ST8SIA6: variants seen among roughly 807,000 people sequenced by gnomAD.
ST8SIA6 encodes ST8 alpha-N-acetyl-neuraminide alpha-2,8-sialyltransferase 6.
ST8SIA6 carries 39 observed loss-of-function variants against 33.6 expected under a neutral mutation model. The ratio of observed to expected loss-of-function variants is 1.16; its 90% confidence interval spans 0.90 to 1.52. The LOEUF (loss-of-function observed/expected upper bound fraction) is 1.52, where lower values mean the gene tolerates loss of function less well. ST8SIA6 is among the 40% of genes most tolerant of loss of function. The pLI, the probability that ST8SIA6 is intolerant of heterozygous loss-of-function variation, is 0.00. For synonymous variants in ST8SIA6, 172 were observed against 167.2 expected (o/e 1.03, Z -0.22); for missense variants, 441 against 443.8 (o/e 0.99, Z 0.06).
intron 3 of ST8SIA6, among the ~76,000 whole-genome samples, chr10:17,386,115 A>G (rs1564436250): frequency 6.6e-6 from 1 of 152,064 alleles, no homozygotes; most frequent in East Asian, 1.9e-4. Context: ...CAGCAGGTCA[A>G]GGCTGCAGTG....
chr10:17,367,371 C>T (rs1299392218), intron 3 of ST8SIA6, among the ~76,000 whole-genome samples: 2 of 152,120 alleles, frequency 1.3e-5, no homozygotes, highest in Non-Finnish European at 2.9e-5. Context: ...GACCTATTTA[C>T]TGTCATGAGA....
Position 17,401,053 on chromosome 10 carries a change from C to T in ST8SIA6, c.201-10433G>A, listed in dbSNP as rs1048217995. Among the ~76,000 whole-genome samples the T allele has an allele frequency of 3.9e-5, 6 of 152,252 alleles. No individual in the cohort carries two copies. In the South Asian group the frequency reaches 8.3e-4, roughly 21 times the overall value. ...ACCCCATCGTCTCAGCCCAAAATCT[C>T]CTTAAGCTGATAAGCAACTTCAGCA... On this transcript the variant is annotated intron_variant, in intron 2 of 7. Coordinates refer to ENST00000377602, the MANE Select transcript of ST8SIA6 (RefSeq NM_001004470.3).
rs776609219 is a variant in ST8SIA6 at position 17,380,857 on chromosome 10, GTGTATGTGTT to G, written c.290+9664_290+9673del. 1.0e-3 allele frequency among the ~76,000 whole-genome samples: 155 copies of G among 151,918 alleles called. 2 individuals carry two copies. The highest frequency in any genetic ancestry group is 9.3e-4 in the Non-Finnish European group (63 of 67,940). On this transcript the variant is annotated intron_variant, in intron 3 of 7. Transcript: ENST00000377602. ...TGTATGTGTACGTTTGTGTGTTTGTGTGTATGTGTTTGTATGTGTACACGTTTGTGTGTAT... is the reference window on the plus strand; with the variant it reads ...TGTATGTGTACGTTTGTGTGTTTGTGTGTATGTGTACACGTTTGTGTGTAT...
chr10:17,448,547 A>G (rs1852797436), intron 2 of ST8SIA6, among the ~76,000 whole-genome samples: 1 of 152,024 alleles, frequency 6.6e-6, no homozygotes, highest in African/African-American at 2.4e-5. Flanking sequence ...CTCATTTCTA[A>G]TGATTGGATA....
In ST8SIA6 at chr10:17,347,953, C is replaced by CAAAAAAAAAAA. The variant is rs55996465; in HGVS notation, c.377+11550_377+11560dup. On this transcript the variant is annotated intron_variant, in intron 4 of 7. Coordinates refer to ENST00000377602, the MANE Select transcript of ST8SIA6 (RefSeq NM_001004470.3). ...CCTAGGCGATGGTGAGACTCTGTCT[C>CAAAAAAAAAAA]AAAAAAAAAAAAAAAAAAAAAATTA... Among the ~76,000 whole-genome samples the CAAAAAAAAAAA allele has an allele frequency of 2.9e-4, 20 of 68,632 alleles. 1 individual carries two copies. Among genetic ancestry groups the CAAAAAAAAAAA allele is most frequent in the African/African-American group, 9.8e-4 (18 of 18,374 alleles). The allele number at this position is 68,632 out of a possible 152,430, so 45.0% of individuals were successfully genotyped here. A position where few individuals can be genotyped will look rare whatever the true frequency, so the allele number is the denominator to read the frequency against.
At chr10:17,345,596 A>G (rs1434846141) in intron 4 of ST8SIA6, among the ~76,000 whole-genome samples, 2 of 152,210 alleles carry the variant, frequency 1.3e-5, no homozygotes, top group South Asian at 2.1e-4. Flanking sequence ...AGAATGTGCA[A>G]AATTCTGAAA....
At chr10:17,360,787 A>C (rs1370101229) in intron 3 of ST8SIA6, among the ~76,000 whole-genome samples, 3 of 152,062 alleles carry the variant, frequency 2.0e-5, no homozygotes, top group Admixed American at 2.0e-4. Context: ...AACAAACAGC[A>C]AGATGGCAGA....
intron 2 of ST8SIA6, among the ~76,000 whole-genome samples, chr10:17,414,326 T>A (rs753432210): frequency 2.6e-5 from 4 of 152,204 alleles, no homozygotes; most frequent in Admixed American, 6.5e-5. Context: ...CTTTCAAAAT[T>A]GTTATTTATT....
intron 3 of ST8SIA6, among the ~76,000 whole-genome samples, chr10:17,381,119 T>G (rs779767207): frequency 6.6e-6 from 1 of 152,200 alleles, no homozygotes; most frequent in Non-Finnish European, 1.5e-5. Context: ...CAGAGTTTAC[T>G]CGGGTTTTTA....
At chr10:17,323,224 T>TGA (rs1848014558) in intron 6 of ST8SIA6, 67 bp from the exon 7 acceptor site, 4 of 854,026 alleles carry the variant, frequency 4.7e-6, no homozygotes, top group Non-Finnish European at 7.2e-6. Flanking sequence ...TACACACATA[T>TGA]GCGCGCACAC....
chr10:17,331,361 TC>T (rs769894002), intron 5 of ST8SIA6, 46 bp downstream of exon 5: 1 of 1,554,158 alleles, frequency 6.4e-7, no homozygotes, highest in Non-Finnish European at 8.7e-7. Context: ...AAAAGAAAAT[TC>T]ACCTGGAATG....
At chr10:17,452,297 C>A (rs979684791) in intron 2 of ST8SIA6, among the ~76,000 whole-genome samples, 1 of 152,240 alleles carries the variant, frequency 6.6e-6, no homozygotes, top group African/African-American at 2.4e-5. Flanking sequence ...CACTTCCAGA[C>A]CCTTCTTAGA....
At position 17,359,508 on chromosome 10, in the gene ST8SIA6, A is replaced by G. The variant is rs745897802; in HGVS notation, c.377+6T>C. On this transcript the variant is annotated splice_donor_region_variant and intron_variant, in intron 4 of 7. Coordinates refer to ENST00000377602, the MANE Select transcript of ST8SIA6 (RefSeq NM_001004470.3). ...AAAATCTCATATTATTTATGAAAAA[A>G]ATTACCTAAAATTTGCATATTCTTC... 3.2e-6 allele frequency: 5 copies of G among 1,584,910 alleles called. No homozygotes were observed. The highest frequency in any genetic ancestry group is 1.7e-5 in the Admixed American group (1 of 57,322).
At chr10:17,361,404 G>T (rs1192767438) in intron 3 of ST8SIA6, among the ~76,000 whole-genome samples, 1 of 151,784 alleles carries the variant, frequency 6.6e-6, no homozygotes, top group Non-Finnish European at 1.5e-5. Context: ...GTGCAGTGGA[G>T]ATATGTGTTG....
At chr10:17,445,975 T>C (rs537665117) in intron 2 of ST8SIA6, among the ~76,000 whole-genome samples, 1 of 152,148 alleles carries the variant, frequency 6.6e-6, no homozygotes, top group Non-Finnish European at 1.5e-5. Context: ...AGAGATAGTT[T>C]TGGGGTCTGG....
chr10:17,401,430 C>T (rs1359807171), intron 2 of ST8SIA6, among the ~76,000 whole-genome samples: 1 of 152,216 alleles, frequency 6.6e-6, no homozygotes, highest in Non-Finnish European at 1.5e-5. Context: ...GAAAGAACTA[C>T]TTTAAAGTTC....
At chr10:17,331,306 G>T (rs1848290995) in intron 5 of ST8SIA6, 102 bp downstream of exon 5, 3 of 1,381,550 alleles carry the variant, frequency 2.2e-6, no homozygotes, top group Non-Finnish European at 2.9e-6. Context: ...TAACAATATG[G>T]TATTTTAATT....
chr10:17,331,430 T>C lies in ST8SIA6; in HGVS notation c.500A>G (p.Asn167Ser), dbSNP rs1408364295. The change falls in exon 5 of 8, where the codon AAC becomes AGC. Residue 167 changes from asparagine (N) to serine (S), a missense_variant. Coordinates refer to ENST00000377602, the MANE Select transcript of ST8SIA6 (RefSeq NM_001004470.3). Reference sequence around the variant, plus strand: ...CACCACTGGAAACATATGAAAAATGTTCTTCTTAATTGGGATTTCTTTTTT... The same window carrying C: ...CACCACTGGAAACATATGAAAAATGCTCTTCTTAATTGGGATTTCTTTTTT... ...ESKKEIPIKKNIFHMFPVSQP... is the reference protein window; with the variant it reads ...ESKKEIPIKKSIFHMFPVSQP... The C allele has an allele frequency of 1.2e-6, 2 of 1,613,344 alleles. No homozygotes were observed. Among genetic ancestry groups the C allele is most frequent in the Non-Finnish European group, 1.7e-6 (2 of 1,179,718 alleles).
chr10:17,323,916 C>G (rs1014141539), intron 6 of ST8SIA6, among the ~76,000 whole-genome samples: 41 of 152,084 alleles, frequency 2.7e-4, no homozygotes, highest in Non-Finnish European at 5.4e-4. Context: ...CTGCCAGAAG[C>G]AAAGACTAAA....
Sources: allele counts gnomAD v4.1 joint callset (sites outside exome capture counted in the v4.1 genomes callset), GRCh38; gene constraint gnomAD v4.1.1; transcripts MANE v1.5; gene names NCBI Gene and HGNC (gene_info 2026-07-23, HGNC 2026-07-21).